Variants in PDE4B observed in about 807,000 individuals in gnomAD.
The protein encoded by PDE4B is phosphodiesterase 4B.
In PDE4B, 20 loss-of-function variants were observed where a neutral mutation model predicts 82.2. The ratio of observed to expected loss-of-function variants is 0.24; its 90% CI spans 0.17 to 0.35. PDE4B has a LOEUF of 0.35. Among genes scored for constraint, PDE4B ranks in the 10% least tolerant of loss-of-function variants. The pLI, the probability that PDE4B is intolerant of heterozygous loss-of-function variation, is 1.00. For synonymous variants in PDE4B, 320 were observed against 318.9 expected (o/e 1.00, Z -0.04); for missense variants, 655 against 907.2 (o/e 0.72, Z 3.57).
chr1:66,052,427 A>G (rs192903516), intron 3 of PDE4B, among the ~76,000 whole-genome samples: 1 of 152,146 alleles, frequency 6.6e-6, no homozygotes, highest in Non-Finnish European at 1.5e-5. Flanking sequence ...TAGAGATCGC[A>G]TCAAACCCAC....
At chr1:66,089,520 T>C (rs1386551602) in intron 3 of PDE4B, among the ~76,000 whole-genome samples, 1 of 152,092 alleles carries the variant, frequency 6.6e-6, no homozygotes, top group East Asian at 1.9e-4. Context: ...TGGCTGTCTT[T>C]AGATAAAGTT....
chr1:66,158,455 C>A (rs1226482281), intron 3 of PDE4B, among the ~76,000 whole-genome samples: 2 of 152,032 alleles, frequency 1.3e-5, no homozygotes, highest in Non-Finnish European at 2.9e-5. Context: ...AAATCAAAAC[C>A]ACACTCCAGT....
At chr1:65,869,839 G>A (rs1442443756) in intron 1 of PDE4B, among the ~76,000 whole-genome samples, 1 of 150,562 alleles carries the variant, frequency 6.6e-6, no homozygotes, top group African/African-American at 2.4e-5. Flanking sequence ...CTTTTAGTAG[G>A]AAAGATGAAA....
At chr1:66,081,737 C>T (rs764266030) in intron 3 of PDE4B, among the ~76,000 whole-genome samples, 2 of 151,752 alleles carry the variant, frequency 1.3e-5, no homozygotes, top group Non-Finnish European at 2.9e-5. Context: ...TTGCTCTGCA[C>T]GACAGGTGGA....
intron 3 of PDE4B, among the ~76,000 whole-genome samples, chr1:66,183,266 G>T (rs1365602913): frequency 6.6e-6 from 1 of 152,150 alleles, no homozygotes; most frequent in Non-Finnish European, 1.5e-5. Flanking sequence ...TTGGGGATAT[G>T]TCTTTTTTAT....
chr1:66,285,588 A>G (rs1656619910), intron 7 of PDE4B, among the ~76,000 whole-genome samples: 1 of 152,132 alleles, frequency 6.6e-6, no homozygotes, highest in African/African-American at 2.4e-5. Context: ...AAGTGAAAAC[A>G]TGCAGTATTT....
chr1:65,813,286 A>G (rs1032288879), intron 1 of PDE4B, among the ~76,000 whole-genome samples: 3 of 152,202 alleles, frequency 2.0e-5, no homozygotes, highest in Admixed American at 2.0e-4. Context: ...ATACGGAGGG[A>G]GAAAGAAGTC....
chr1:66,352,739 A>C (rs1661936787), intron 8 of PDE4B, among the ~76,000 whole-genome samples: 1 of 152,054 alleles, frequency 6.6e-6, no homozygotes, highest in African/African-American at 2.4e-5. Context: ...CTGCTATATC[A>C]TCACTCTTTT....
At chr1:66,254,997 C>T (rs1570565586) in intron 4 of PDE4B, among the ~76,000 whole-genome samples, 2 of 152,010 alleles carry the variant, frequency 1.3e-5, no homozygotes, top group South Asian at 4.2e-4. Flanking sequence ...TGGCTCCTTT[C>T]TCTCTCCTCT....
At chr1:66,354,041 T>C (rs1196939455) in intron 8 of PDE4B, among the ~76,000 whole-genome samples, 1 of 152,222 alleles carries the variant, frequency 6.6e-6, no homozygotes, top group Non-Finnish European at 1.5e-5. Flanking sequence ...TCCATTCCCA[T>C]TCATTTTACT....
chr1:66,056,485 C>CTATT (rs36186778), intron 3 of PDE4B, among the ~76,000 whole-genome samples: 2 of 143,694 alleles, frequency 1.4e-5, no homozygotes, highest in Admixed American at 7.0e-5. Flanking sequence ...ATCTATCTAT[C>CTATT]ATCTATCTAT....
At chr1:65,804,037 A>G (rs985822361) in intron 1 of PDE4B, among the ~76,000 whole-genome samples, 3 of 152,182 alleles carry the variant, frequency 2.0e-5, no homozygotes, top group African/African-American at 7.2e-5. Context: ...AAATTATTCA[A>G]TTGTTTCATG....
chr1:65,831,750 A>G (rs1646084233), intron 1 of PDE4B, among the ~76,000 whole-genome samples: 1 of 152,164 alleles, frequency 6.6e-6, no homozygotes, highest in East Asian at 1.9e-4. Flanking sequence ...AGGAACATAA[A>G]CATAAGATTC....
In PDE4B at chr1:66,351,985, G is replaced by A. The variant is rs114218542; in HGVS notation, c.748-3542G>A. Among the ~76,000 whole-genome samples, 309 of 152,172 alleles carry A rather than the reference G, an allele frequency of 2.0e-3. 4 individuals carry two copies. The highest frequency in any genetic ancestry group is 6.7e-3 in the African/African-American group (277 of 41,526). On this transcript the variant is annotated intron_variant, in intron 8 of 16. Transcript: ENST00000341517. Reference sequence around the variant, plus strand: ...AAAAGATACCCTTCCACCCCCCGCCGTCTGCTCCTTGAAGGCCATGTCTGC... The same window carrying A: ...AAAAGATACCCTTCCACCCCCCGCCATCTGCTCCTTGAAGGCCATGTCTGC...
intron 3 of PDE4B, among the ~76,000 whole-genome samples, chr1:65,987,532 G>T (rs1027019876): frequency 3.9e-5 from 6 of 152,148 alleles, no homozygotes; most frequent in African/African-American, 1.4e-4. Flanking sequence ...ATAATAAAAT[G>T]GACACTATAG....
At chr1:66,136,822 A>G (rs1570319496) in intron 3 of PDE4B, among the ~76,000 whole-genome samples, 1 of 152,066 alleles carries the variant, frequency 6.6e-6, no homozygotes, top group Non-Finnish European at 1.5e-5. Context: ...AAGGACAGAG[A>G]CAGAGAAGCA....
chr1:65,946,143 G>C (rs1203150229), intron 3 of PDE4B, among the ~76,000 whole-genome samples: 1 of 151,930 alleles, frequency 6.6e-6, no homozygotes, highest in African/African-American at 2.4e-5. Flanking sequence ...GAATTCATAG[G>C]TGTGAAATAG....
chr1:66,087,698 A>G (rs1657079874), intron 3 of PDE4B, among the ~76,000 whole-genome samples: 1 of 151,968 alleles, frequency 6.6e-6, no homozygotes, highest in Non-Finnish European at 1.5e-5. Flanking sequence ...ATAAAAAATG[A>G]TGAGTTCATG....
chr1:66,266,776 A>G, intron 7 of PDE4B: 1 of 481,492 alleles, frequency 2.1e-6, no homozygotes, highest in Non-Finnish European at 4.3e-6. Flanking sequence ...TTCTTCACAC[A>G]AAATGCAACC....
Sources: gnomAD v4.1 joint callset for allele counts (sites outside exome capture counted in the v4.1 genomes callset) on GRCh38, gnomAD v4.1.1 for gene constraint, MANE v1.5 for transcripts, NCBI Gene and HGNC (gene_info 2026-07-23, HGNC 2026-07-21) for gene names.